The following MIPOL1 variants were observed in gnomAD, a reference collection of about 807,000 sequenced individuals.
MIPOL1 encodes mirror-image polydactyly gene 1 protein.
In MIPOL1, 57 loss-of-function variants were observed where a neutral mutation model predicts 60.9. The ratio of observed to expected loss-of-function variants is 0.94; its 90% confidence interval spans 0.76 to 1.17. The LOEUF (loss-of-function observed/expected upper bound fraction) is 1.17, where lower values mean the gene tolerates loss of function less well. Among genes scored for constraint, MIPOL1 ranks in the 50% most tolerant of loss-of-function variants. The pLI, the probability that MIPOL1 is intolerant of heterozygous loss-of-function variation, is 0.00. For synonymous variants in MIPOL1, 179 were observed against 168.8 expected (o/e 1.06, Z -0.47); for missense variants, 551 against 511.6 (o/e 1.08, Z -0.74).
intron 9 of MIPOL1, among the ~76,000 whole-genome samples, chr14:37,354,013 G>A (rs1398101375): frequency 6.6e-6 from 1 of 150,798 alleles, no homozygotes; most frequent in Admixed American, 6.6e-5. Context: ...TGTCAATTTT[G>A]GATCTTTCCT....
At chr14:37,305,512 C>G (rs1359515967) in intron 7 of MIPOL1, among the ~76,000 whole-genome samples, 1 of 151,700 alleles carries the variant, frequency 6.6e-6, no homozygotes, top group Non-Finnish European at 1.5e-5. Flanking sequence ...ATGGTAAAGC[C>G]TAAAATAATT....
At chr14:37,299,447 A>C (rs914059410) in intron 7 of MIPOL1, among the ~76,000 whole-genome samples, 10 of 86,430 alleles carry the variant, frequency 1.2e-4, no homozygotes, top group Admixed American at 4.8e-4. Flanking sequence ...AATAATAAAA[A>C]AAAATTAAAA....
In MIPOL1 at chr14:37,288,342, G is replaced by A. The variant is rs151246171; in HGVS notation, c.623+2895G>A. Reference sequence around the variant, plus strand: ...TTTTAAATGCAAAAAAGAGAGATAGGGAGTGGGCTGATACAAAGTTTGTCA... The same window carrying A: ...TTTTAAATGCAAAAAAGAGAGATAGAGAGTGGGCTGATACAAAGTTTGTCA... On this transcript the variant is annotated intron_variant, in intron 7 of 12. Coordinates refer to ENST00000684589, the MANE Select transcript of MIPOL1 (RefSeq NM_001388067.1). 1.8e-3 allele frequency among the ~76,000 whole-genome samples: 277 copies of A among 152,088 alleles called. 1 individual carries two copies. The highest frequency in any genetic ancestry group is 6.3e-3 in the African/African-American group (260 of 41,498).
At chr14:37,529,410 T>A (rs1398731776) in intron 12 of MIPOL1, among the ~76,000 whole-genome samples, 1 of 152,186 alleles carries the variant, frequency 6.6e-6, no homozygotes, top group Non-Finnish European at 1.5e-5. Flanking sequence ...GGTTTTGAGT[T>A]GTTTCCTAAT....
At chr14:37,230,127 C>T (rs1281063421) in intron 1 of MIPOL1, among the ~76,000 whole-genome samples, 1 of 152,126 alleles carries the variant, frequency 6.6e-6, no homozygotes, top group African/African-American at 2.4e-5. Flanking sequence ...TTGATGCACC[C>T]ATTCCACAAT....
At chr14:37,546,062 GTCTGAT>G (rs1233603117) in intron 12 of MIPOL1, 1 of 159,594 alleles carries the variant, frequency 6.3e-6, no homozygotes, top group Non-Finnish European at 1.4e-5. Flanking sequence ...CCAATTAATG[GTCTGAT>G]TCTATCATCT....
Position 37,476,229 on chromosome 14 carries a change from A to G in MIPOL1, c.1032-23679A>G, listed in dbSNP as rs570790441. Among the ~76,000 whole-genome samples, 4 of 152,294 alleles carry G rather than the reference A, an allele frequency of 2.6e-5. No individual in the cohort carries two copies. In the South Asian group the frequency reaches 8.3e-4, roughly 32 times the overall value. ...AAGCAATTGACCTTAAAATAATCTT[A>G]TGTCCTGCAATCTTACTATAATCAC... On this transcript the variant is annotated intron_variant, in intron 11 of 12. Transcript: ENST00000684589.
At chr14:37,222,343 C>T (rs1968939841) in intron 1 of MIPOL1, among the ~76,000 whole-genome samples, 1 of 151,492 alleles carries the variant, frequency 6.6e-6, no homozygotes, top group African/African-American at 2.4e-5. Flanking sequence ...CCACCTCAGC[C>T]TCCTGAGTAG....
intron 1 of MIPOL1, among the ~76,000 whole-genome samples, chr14:37,220,601 G>T: frequency 6.6e-6 from 1 of 152,136 alleles, no homozygotes; most frequent in Middle Eastern, 3.2e-3. Context: ...TTGGGTAAGT[G>T]AACTGCAGCT....
chr14:37,205,002 T>G (rs1965856259), intron 1 of MIPOL1, among the ~76,000 whole-genome samples: 2 of 152,152 alleles, frequency 1.3e-5, no homozygotes, highest in South Asian at 4.1e-4. Flanking sequence ...TGTTGAGAAC[T>G]GTAGCAAAAG....
rs201777075 is a variant in MIPOL1 at position 37,430,515 on chromosome 14, A to T, written c.1031+7566A>T. Among the ~76,000 whole-genome samples, 381 of 149,422 alleles carry T rather than the reference A, an allele frequency of 2.5e-3. 1 individual carries two copies. The highest frequency in any genetic ancestry group is 4.7e-3 in the Admixed American group (71 of 15,020). On this transcript the variant is annotated intron_variant, in intron 11 of 12. Coordinates refer to ENST00000684589, the MANE Select transcript of MIPOL1 (RefSeq NM_001388067.1). ...AAATTAAAATAGTTTTTTTTTTTAAAAAAAAGTATACATTTTCTGTATGTC... is the reference window on the plus strand; with the variant it reads ...AAATTAAAATAGTTTTTTTTTTTAATAAAAAGTATACATTTTCTGTATGTC...
intron 9 of MIPOL1, among the ~76,000 whole-genome samples, chr14:37,344,490 A>T (rs1230946148): frequency 6.6e-6 from 1 of 151,404 alleles, no homozygotes; most frequent in Admixed American, 6.6e-5. Flanking sequence ...CGAGATTTAG[A>T]TTTGTTTTTA....
intron 1 of MIPOL1, chr14:37,219,459 G>A (rs959401739): frequency 6.6e-6 from 1 of 152,148 alleles, no homozygotes; most frequent in Non-Finnish European, 1.5e-5. Flanking sequence ...CCTCAACCTG[G>A]GATCAAGTGA....
intron 9 of MIPOL1, among the ~76,000 whole-genome samples, chr14:37,316,839 G>T (rs943760202): frequency 6.6e-6 from 1 of 151,956 alleles, no homozygotes; most frequent in African/African-American, 2.4e-5. Flanking sequence ...TTAGCTGGGC[G>T]CAGTGGCAGG....
At chr14:37,445,989 T>A (rs1228207759) in intron 11 of MIPOL1, among the ~76,000 whole-genome samples, 2 of 151,912 alleles carry the variant, frequency 1.3e-5, no homozygotes, top group Admixed American at 1.3e-4. Flanking sequence ...AACCTAGGCA[T>A]TACCATTCAG....
chr14:37,398,669 T>G (rs976698911), intron 10 of MIPOL1, among the ~76,000 whole-genome samples: 13 of 152,200 alleles, frequency 8.5e-5, no homozygotes, highest in Non-Finnish European at 1.6e-4. Flanking sequence ...CAAAAACTTA[T>G]AATATGAAAA....
chr14:37,380,164 T>A (rs1015561685), intron 10 of MIPOL1, among the ~76,000 whole-genome samples: 8 of 152,096 alleles, frequency 5.3e-5, no homozygotes, highest in African/African-American at 1.9e-4. Context: ...AAGCAGTCAG[T>A]TGGAAAAGCG....
At chr14:37,465,795 T>C (rs1318043254) in intron 11 of MIPOL1, among the ~76,000 whole-genome samples, 2 of 152,024 alleles carry the variant, frequency 1.3e-5, no homozygotes, top group African/African-American at 4.8e-5. Flanking sequence ...CCTGCCAGAA[T>C]AATAATAAAA....
intron 11 of MIPOL1, among the ~76,000 whole-genome samples, chr14:37,452,785 G>T (rs1036017382): frequency 6.6e-6 from 1 of 152,136 alleles, no homozygotes; most frequent in Non-Finnish European, 1.5e-5. Flanking sequence ...TTTCAGTTTT[G>T]CAGCTCCCAT....
Sources: allele counts gnomAD v4.1 joint callset (sites outside exome capture counted in the v4.1 genomes callset), GRCh38; gene constraint gnomAD v4.1.1; transcripts MANE v1.5; gene names NCBI Gene and HGNC (gene_info 2026-07-23, HGNC 2026-07-21).